Variants in APH1B observed in about 807,000 individuals in gnomAD.
APH1B encodes aph-1B gamma-secretase subunit.
In APH1B, 27 loss-of-function variants were observed where a neutral mutation model predicts 28.2. That is an observed-to-expected ratio of 0.96 (90% CI 0.70 to 1.32). APH1B has a LOEUF of 1.32. Ranked by LOEUF, APH1B falls within the 40% of genes most tolerant of loss-of-function variation. The probability of loss-of-function intolerance (pLI) is 0.00; values close to 1 mark genes in which losing one functional copy is unlikely to be tolerated. For missense variants in APH1B, 305 were observed against 313.6 expected (o/e 0.97, Z 0.21); for synonymous variants, 141 against 124.6 (o/e 1.13, Z -0.88).
chr15:63,291,776 A>G lies in APH1B; in HGVS notation c.478+4230A>G, dbSNP rs191238447. ...GGCTTGAATTGGCCAATTAGTGGTTATGATGTAAGTTAGAGGCTTAAAAAG... is the reference window on the plus strand; with the variant it reads ...GGCTTGAATTGGCCAATTAGTGGTTGTGATGTAAGTTAGAGGCTTAAAAAG... On this transcript the variant is annotated intron_variant, in intron 4 of 5. Transcript: ENST00000261879. The G allele has an allele frequency of 2.6e-5, 4 of 152,310 alleles. No homozygotes were observed. In the East Asian group the frequency reaches 7.7e-4, roughly 29 times the overall value. The allele number at this position is 152,310 out of a possible 1,614,324, so 9.4% of individuals were successfully genotyped here. A position where few individuals can be genotyped will look rare whatever the true frequency, so the allele number is the denominator to read the frequency against.
At chr15:63,286,815 C>A (rs16946739) in intron 3 of APH1B, among the ~76,000 whole-genome samples, 187 bp downstream of exon 3, 95 of 152,242 alleles carry the variant, frequency 6.2e-4, no homozygotes, top group Non-Finnish European at 9.0e-4. Context: ...TTGCAAGTGA[C>A]CCTTACCTGT....
At chr15:63,293,877 A>C (rs1205281605) in intron 4 of APH1B, among the ~76,000 whole-genome samples, 1 of 151,424 alleles carries the variant, frequency 6.6e-6, no homozygotes, top group Non-Finnish European at 1.5e-5. Flanking sequence ...CAATCCTGCC[A>C]CTTCAGCCTC....
chr15:63,279,397 G>T, intron 2 of APH1B, 66 bp downstream of exon 2: 1 of 1,462,042 alleles, frequency 6.8e-7, no homozygotes, highest in South Asian at 1.3e-5. Context: ...TTGGTCATTT[G>T]AAACGTGAAT....
intron 4 of APH1B, among the ~76,000 whole-genome samples, chr15:63,289,501 A>C (rs572391679): frequency 6.6e-6 from 1 of 152,318 alleles, no homozygotes; most frequent in South Asian, 2.1e-4. Context: ...AAGCATTTTT[A>C]ATCCAAAAAT....
intron 5 of APH1B, among the ~76,000 whole-genome samples, chr15:63,303,996 A>G (rs1458251417): frequency 6.6e-6 from 1 of 151,964 alleles, no homozygotes; most frequent in Non-Finnish European, 1.5e-5. Context: ...TTTCAGAGTG[A>G]TGGTATCACC....
At chr15:63,293,778 G>A (rs1430428025) in intron 4 of APH1B, among the ~76,000 whole-genome samples, 1 of 151,848 alleles carries the variant, frequency 6.6e-6, no homozygotes. Flanking sequence ...ATTTGTTTAT[G>A]TTTTGAGACA....
At chr15:63,292,097 T>C (rs1013186218) in intron 4 of APH1B, 2 of 152,264 alleles carry the variant, frequency 1.3e-5, no homozygotes, top group Non-Finnish European at 2.9e-5. Flanking sequence ...CTCTACAGTG[T>C]GGCAGTTTGT....
At chr15:63,301,977 G>A (rs561032343) in intron 4 of APH1B, among the ~76,000 whole-genome samples, 40 of 152,188 alleles carry the variant, frequency 2.6e-4, no homozygotes, top group Non-Finnish European at 4.9e-4. Context: ...CTTTAGTGAG[G>A]AGCCTTGTTT....
intron 4 of APH1B, among the ~76,000 whole-genome samples, chr15:63,298,318 C>T (rs974317665): frequency 6.6e-5 from 10 of 152,112 alleles, no homozygotes; most frequent in Non-Finnish European, 1.3e-4. Flanking sequence ...TCAGGTAATC[C>T]TCCCACGTCA....
rs531599954 is a variant in APH1B, at chr15:63,295,295, T to C, written c.479-7050T>C. On this transcript the variant is annotated intron_variant, in intron 4 of 5. Transcript: ENST00000261879. ...ATAGAATCCCGAGAACCTGTATCCATTGCCCGCTGCCTGAAGGCAGGTCCC... is the reference window on the plus strand; with the variant it reads ...ATAGAATCCCGAGAACCTGTATCCACTGCCCGCTGCCTGAAGGCAGGTCCC... Among the ~76,000 whole-genome samples the C allele has an allele frequency of 1.6e-4, 24 of 152,360 alleles. No individual in the cohort carries two copies. The South Asian group carries it at 5.0e-3, about 32-fold the overall frequency.
chr15:63,300,379 T>C (rs1016120970), intron 4 of APH1B, among the ~76,000 whole-genome samples: 1 of 152,232 alleles, frequency 6.6e-6, no homozygotes, highest in African/African-American at 2.4e-5. Flanking sequence ...TGTCATTGCT[T>C]TCTCTTGACA....
intron 4 of APH1B, among the ~76,000 whole-genome samples, chr15:63,297,760 A>C (rs1047583853): frequency 1.3e-5 from 2 of 152,194 alleles, no homozygotes; most frequent in Non-Finnish European, 1.5e-5. Context: ...TGTGTGTGGC[A>C]GAATGATGCA....
chr15:63,308,962 G>A lies in APH1B; in HGVS notation c.*3181G>A, dbSNP rs2038714948. On this transcript the variant is annotated 3_prime_UTR_variant, in exon 6 of 6. Coordinates refer to ENST00000261879, the MANE Select transcript of APH1B (RefSeq NM_031301.4). The stretch of plus-strand genomic sequence containing the variant: ...TCATTCTATTAAATTTTAGTGTTTA[G>A]AAGAGGCGGGTACTGTCACTGTGTA... 6.6e-6 allele frequency: 1 copy of A among 152,144 alleles called. No individual in the cohort carries two copies. Among genetic ancestry groups the A allele is most frequent in the African/African-American group, 2.4e-5 (1 of 41,420 alleles). The allele number at this position is 152,144 out of a possible 1,614,324, so 9.4% of individuals were successfully genotyped here.
chr15:63,277,771 G>A, intron 1 of APH1B, 35 bp downstream of exon 1: 1 of 1,590,776 alleles, frequency 6.3e-7, no homozygotes, highest in Non-Finnish European at 8.6e-7. Context: ...CGGACGCCGG[G>A]GCTCCCCTCC....
intron 1 of APH1B, 54 bp from the exon 2 acceptor site, chr15:63,279,107 A>G (rs1294231439): frequency 3.8e-6 from 5 of 1,316,122 alleles, no homozygotes; most frequent in Non-Finnish European, 5.0e-6. Context: ...GCTTTTAAAC[A>G]TTATTAATCC....
In APH1B at chr15:63,281,725, A is replaced by G. The variant is rs4984239; in HGVS notation, c.284+2394A>G. On this transcript the variant is annotated intron_variant, in intron 2 of 5. Coordinates refer to ENST00000261879, the MANE Select transcript of APH1B (RefSeq NM_031301.4). Reference sequence around the variant, plus strand: ...TGGCACTAACTTAGGGCTCCAAAGGACTGTAGCTGAACATAGATCCACATT... The same window carrying G: ...TGGCACTAACTTAGGGCTCCAAAGGGCTGTAGCTGAACATAGATCCACATT... 2.5e-3 allele frequency among the ~76,000 whole-genome samples: 383 copies of G among 151,290 alleles called. 1 individual carries two copies. The highest frequency in any genetic ancestry group is 0.013 in the Admixed American group (203 of 15,236).
intron 4 of APH1B, among the ~76,000 whole-genome samples, chr15:63,300,157 CA>C (rs2038610654): frequency 6.6e-6 from 1 of 152,004 alleles, no homozygotes; most frequent in South Asian, 2.1e-4. Context: ...GGTATCTGGT[CA>C]GGGGTCAAGA....
intron 4 of APH1B, among the ~76,000 whole-genome samples, chr15:63,297,307 C>G (rs1373511190): frequency 6.6e-6 from 1 of 152,066 alleles, no homozygotes. Context: ...GGCAGATTGC[C>G]TGAACTCCCA....
intron 4 of APH1B, among the ~76,000 whole-genome samples, chr15:63,296,658 C>CT (rs753821606): frequency 0.33 from 45,291 of 137,424 alleles, 9,484 homozygotes; most frequent in Non-Finnish European, 0.49. Context: ...AATGTTGTTT[C>CT]TTTTTTTTTT....
Sources: gnomAD v4.1 joint callset for allele counts (sites outside exome capture counted in the v4.1 genomes callset) on GRCh38, gnomAD v4.1.1 for gene constraint, MANE v1.5 for transcripts, NCBI Gene and HGNC (gene_info 2026-07-23, HGNC 2026-07-21) for gene names.